N4BP2L2: variants seen among roughly 807,000 people sequenced by gnomAD.
N4BP2L2 encodes the protein NEDD4 binding protein 2 like 2.
N4BP2L2 carries 50 observed loss-of-function variants against 56.2 expected under a neutral mutation model. The ratio of observed to expected loss-of-function variants is 0.89; its 90% CI spans 0.71 to 1.13. N4BP2L2 has a LOEUF of 1.13. Ranked by LOEUF, N4BP2L2 falls within the 50% of genes most tolerant of loss-of-function variation. The probability of loss-of-function intolerance (pLI) is 0.00; values close to 1 mark genes in which losing one functional copy is unlikely to be tolerated. For missense variants in N4BP2L2, 689 were observed against 693.8 expected, an observed-to-expected ratio of 0.99 and a Z score of 0.08; for synonymous variants, 203 against 223.6, an observed-to-expected ratio of 0.91 and a Z score of 0.82.
At chr13:32,485,113 C>A (rs1420807232) in intron 6 of N4BP2L2, among the ~76,000 whole-genome samples, 1 of 152,180 alleles carries the variant, frequency 6.6e-6, no homozygotes, top group Non-Finnish European at 1.5e-5. Flanking sequence ...CATTTGTTTT[C>A]TTTCCTTCCT....
intron 6 of N4BP2L2, among the ~76,000 whole-genome samples, chr13:32,483,383 C>A (rs140909265): frequency 6.6e-6 from 1 of 152,296 alleles, no homozygotes; most frequent in South Asian, 2.1e-4. Context: ...TTCTCTTCAA[C>A]CTATTTTAAC....
rs2080046345 is a variant in N4BP2L2 at position 32,461,399 on chromosome 13, A to G, written c.366-17273T>C. ...GGACTAATATACAGAATATACAAAG[A>G]ACTCAAACAACAGCAACCCAAACGC... On this transcript the variant is annotated intron_variant, in intron 6 of 9. Coordinates refer to the N4BP2L2 transcript ENST00000357505. Among the ~76,000 whole-genome samples the G allele has an allele frequency of 2.0e-5, 3 of 152,320 alleles. No homozygotes were observed. The South Asian group carries it at 6.2e-4, about 32-fold the overall frequency.
intron 6 of N4BP2L2, among the ~76,000 whole-genome samples, chr13:32,455,032 G>A (rs1471598928): frequency 6.6e-6 from 1 of 152,204 alleles, no homozygotes; most frequent in African/African-American, 2.4e-5. Context: ...GCTGCCTGGA[G>A]ATGACCTGAT....
intron 8 of N4BP2L2, among the ~76,000 whole-genome samples, chr13:32,438,458 GT>G (rs1792522121): frequency 6.6e-6 from 1 of 152,174 alleles, no homozygotes; most frequent in African/African-American, 2.4e-5. Context: ...CACTGGCCAG[GT>G]GTGGTGGCAC....
At chr13:32,527,501 C>T (rs1238407571) in exon 3 of N4BP2L2, 2 of 1,613,174 alleles carry the variant, frequency 1.2e-6, no homozygotes, top group South Asian at 2.2e-5. Flanking sequence ...GTGCTGAACA[C>T]AATGCCATCA....
chr13:32,533,895 C>CAGTTCACTCA lies in N4BP2L2; in HGVS notation c.1259+1864_1259+1873dup, dbSNP rs1477286097. ...ATATCTAATTCCAAATAACCAACAC[C>CAGTTCACTCA]AGTTCACTCAAAACGTGTTGACCTA... On this transcript the variant is annotated intron_variant, in intron 2 of 5. Coordinates refer to ENST00000267068, the Ensembl canonical transcript of N4BP2L2. 9.2e-5 allele frequency among the ~76,000 whole-genome samples: 14 copies of CAGTTCACTCA among 152,262 alleles called. No individual in the cohort carries two copies. The South Asian group carries it at 2.9e-3, about 32-fold the overall frequency.
intron 6 of N4BP2L2, among the ~76,000 whole-genome samples, chr13:32,466,793 A>G (rs1005780102): frequency 6.6e-6 from 1 of 152,196 alleles, no homozygotes. Context: ...GGTAACATAG[A>G]TATCCATTTT....
intron 3 of N4BP2L2, chr13:32,523,942 T>C (rs1442541595): frequency 1.3e-5 from 2 of 152,096 alleles, no homozygotes; most frequent in Non-Finnish European, 2.9e-5. Context: ...ACACCTCTTG[T>C]TCCCCATTAC....
At chr13:32,491,245 C>A (rs1239032200) in intron 6 of N4BP2L2, among the ~76,000 whole-genome samples, 3 of 152,034 alleles carry the variant, frequency 2.0e-5, no homozygotes, top group Admixed American at 2.0e-4. Flanking sequence ...GCTTACCATG[C>A]ATATTTTACA....
intron 6 of N4BP2L2, among the ~76,000 whole-genome samples, chr13:32,471,297 G>A (rs1376172457): frequency 1.3e-5 from 2 of 152,228 alleles, no homozygotes; most frequent in Admixed American, 6.5e-5. Flanking sequence ...GGCCTAGAGG[G>A]TGAAATGTAA....
chr13:32,450,048 T>C (rs921091856), intron 6 of N4BP2L2, among the ~76,000 whole-genome samples: 2 of 152,160 alleles, frequency 1.3e-5, no homozygotes, highest in Admixed American at 6.5e-5. Context: ...ATAATAATGA[T>C]TGAGTGCACT....
chr13:32,473,738 T>A (rs548463809), intron 6 of N4BP2L2, among the ~76,000 whole-genome samples: 1 of 152,204 alleles, frequency 6.6e-6, no homozygotes, highest in African/African-American at 2.4e-5. Context: ...AGCAACACTG[T>A]CTCTCTCTGT....
chr13:32,523,002 A>G (rs1566171662), intron 3 of N4BP2L2: 1 of 152,238 alleles, frequency 6.6e-6, no homozygotes, highest in Non-Finnish European at 1.5e-5. Flanking sequence ...ATTTCTTAGA[A>G]CTATGGTCCT....
chr13:32,493,113 C>T lies in N4BP2L2; in HGVS notation c.365+24744G>A, dbSNP rs372939772. On this transcript the variant is annotated intron_variant, in intron 6 of 9. Coordinates refer to the N4BP2L2 transcript ENST00000357505. Reference sequence around the variant, plus strand: ...AATTTTTTTGTATTTTTAGTAGAGACGGCGTTTCACCATGTTGGCCAGGCT... The same window carrying T: ...AATTTTTTTGTATTTTTAGTAGAGATGGCGTTTCACCATGTTGGCCAGGCT... 1.7e-3 allele frequency among the ~76,000 whole-genome samples: 259 copies of T among 151,684 alleles called. 4 individuals are homozygous for T. In the South Asian group the frequency reaches 0.028, roughly 16 times the overall value.
At chr13:32,487,233 G>A (rs2086079301) in intron 6 of N4BP2L2, among the ~76,000 whole-genome samples, 1 of 152,104 alleles carries the variant, frequency 6.6e-6, no homozygotes, top group African/African-American at 2.4e-5. Context: ...CAGCTACTCT[G>A]GATGCTGAGG....
At chr13:32,484,478 G>T (rs1468689567) in intron 6 of N4BP2L2, among the ~76,000 whole-genome samples, 1 of 151,882 alleles carries the variant, frequency 6.6e-6, no homozygotes, top group Non-Finnish European at 1.5e-5. Context: ...ATGGATCTAG[G>T]GTAGGTTTTT....
At chr13:32,480,715 A>G in intron 6 of N4BP2L2, 2 of 821,690 alleles carry the variant, frequency 2.4e-6, no homozygotes, top group African/African-American at 3.6e-5. Context: ...GTTCAAATCC[A>G]CAACTGTGCT....
chr13:32,535,814 ATAAG>A lies in N4BP2L2; in HGVS notation c.1210_1213del (p.Leu404PhefsTer3). 1 of 1,614,142 alleles carries A rather than the reference ATAAG, an allele frequency of 6.2e-7. No homozygotes were observed. The highest frequency in any genetic ancestry group is 8.5e-7 in the Non-Finnish European group (1 of 1,180,018). On this transcript the variant is annotated frameshift_variant, in exon 2 of 6. Transcript: ENST00000267068. LOFTEE classifies it high-confidence loss of function. Reference sequence around the variant, plus strand: ...AGAACCAGGCAGACCTCTTAAAAGAATAAGTAACTTCTGCAATTTATTTAACTTT... The same window carrying A: ...AGAACCAGGCAGACCTCTTAAAAGAATAACTTCTGCAATTTATTTAACTTT...
At chr13:32,498,641 C>A (rs1440647519) in intron 6 of N4BP2L2, among the ~76,000 whole-genome samples, 1 of 152,038 alleles carries the variant, frequency 6.6e-6, no homozygotes, top group Non-Finnish European at 1.5e-5. Context: ...CACACCCGGA[C>A]CTAGTAATCA....
Sources: allele counts gnomAD v4.1 joint callset (sites outside exome capture counted in the v4.1 genomes callset), GRCh38; gene constraint gnomAD v4.1.1; transcripts MANE v1.5; gene names NCBI Gene and HGNC (gene_info 2026-07-23, HGNC 2026-07-21).